The following HGD variants were observed in gnomAD, a reference collection of about 807,000 sequenced individuals.
HGD encodes homogentisate oxidase.
HGD carries 61 observed loss-of-function variants against 60.8 expected under a neutral mutation model. The ratio of observed to expected loss-of-function variants is 1.00; its 90% CI spans 0.82 to 1.24. The LOEUF (loss-of-function observed/expected upper bound fraction) is 1.24, where lower values mean the gene tolerates loss of function less well. HGD is among the 50% of genes most tolerant of loss of function. The pLI is 0.00. For missense variants in HGD, 542 were observed against 547.1 expected, an observed-to-expected ratio of 0.99 and a Z score of 0.09; for synonymous variants, 212 against 187.7, an observed-to-expected ratio of 1.13 and a Z score of -1.06.
At chr3:120,670,290 C>G in intron 4 of HGD, 137 bp downstream of exon 4, 1 of 690,832 alleles carries the variant, frequency 1.4e-6, no homozygotes, top group Non-Finnish European at 2.6e-6. Flanking sequence ...GAGCAGAAAA[C>G]AGACACACTT....
chr3:120,645,247 G>A (rs1331697691), intron 9 of HGD, among the ~76,000 whole-genome samples: 1 of 152,168 alleles, frequency 6.6e-6, no homozygotes, highest in Non-Finnish European at 1.5e-5. Context: ...AGAGTGGGAA[G>A]AGTGGGAGGT....
intron 4 of HGD, among the ~76,000 whole-genome samples, chr3:120,663,830 CAA>C (rs1707835147): frequency 6.6e-6 from 1 of 151,120 alleles, no homozygotes; most frequent in African/African-American, 2.5e-5. Context: ...TATCTACACT[CAA>C]GAAGTTTAAA....
intron 1 of HGD, among the ~76,000 whole-genome samples, chr3:120,681,134 T>C (rs763911838): frequency 9.9e-5 from 15 of 152,242 alleles, no homozygotes; most frequent in Non-Finnish European, 2.2e-4. Flanking sequence ...CACCTCCCCT[T>C]AACTGATGGA....
chr3:120,658,902 A>G (rs1941578496), intron 4 of HGD, among the ~76,000 whole-genome samples: 1 of 152,236 alleles, frequency 6.6e-6, no homozygotes, highest in Non-Finnish European at 1.5e-5. Context: ...TTTGAGCCAC[A>G]GGAGGAGCTG....
chr3:120,675,956 G>T, intron 1 of HGD, 93 bp from the exon 2 acceptor site: 1 of 873,248 alleles, frequency 1.1e-6, no homozygotes, highest in African/African-American at 1.6e-5. Flanking sequence ...ATTTCTATAT[G>T]GACCTATGTT....
At chr3:120,678,249 C>T (rs150684685) in intron 1 of HGD, among the ~76,000 whole-genome samples, 3,374 of 152,284 alleles carry the variant, frequency 0.022, 83 homozygotes, top group South Asian at 0.068. Flanking sequence ...GAACCCCATG[C>T]TCACCATCAA....
At position 120,628,497 on chromosome 3, in the gene HGD, C is replaced by T. The variant is rs146206905; in HGVS notation, c.1221G>A (p.Ala407=). 3.1e-3 allele frequency: 5,020 copies of T among 1,613,930 alleles called. 128 individuals are homozygous for T. The African/African-American group carries it at 0.054, about 17-fold the overall frequency. ...AFMFESSLSL[A]VTKWGLKASR... ...AGGCCTTGAGTCCCCACTTTGTGAC[C>T]GCCAGACTTAAAGATGATTCAAACA... The change falls in exon 14 of 14, where the codon GCG becomes GCA. Residue 407 remains alanine, a synonymous_variant. Transcript: ENST00000283871.
At chr3:120,652,158 T>C (rs1030926104) in intron 5 of HGD, among the ~76,000 whole-genome samples, 1 of 152,198 alleles carries the variant, frequency 6.6e-6, no homozygotes, top group Non-Finnish European at 1.5e-5. Context: ...TGAATGACTA[T>C]AAACCAAATC....
chr3:120,675,870 G>A lies in HGD; in HGVS notation c.16-7C>T. ...TCCCAAATCCAGAAATGTACTGTAG[G>A]TGACAAAGACACAAATGCCACCATT... On this transcript the variant is annotated splice_region_variant and splice_polypyrimidine_tract_variant and intron_variant, in intron 1 of 13. Transcript: ENST00000283871. 3 of 1,610,870 alleles carry A rather than the reference G, an allele frequency of 1.9e-6. No homozygotes were observed. The highest frequency in any genetic ancestry group is 4.5e-5 in the East Asian group (2 of 44,850).
rs144736254 is a variant in HGD, at chr3:120,668,910, G to A, written c.282+1517C>T. Reference sequence around the variant, plus strand: ...TCAGGGACAAAGGCAATACACTGGGGTTCTCAGAAGGTTAAAAAAAGAGCT... The same window carrying A: ...TCAGGGACAAAGGCAATACACTGGGATTCTCAGAAGGTTAAAAAAAGAGCT... On this transcript the variant is annotated intron_variant, in intron 4 of 13. Coordinates refer to ENST00000283871, the MANE Select transcript of HGD (RefSeq NM_000187.4). 4.7e-3 allele frequency among the ~76,000 whole-genome samples: 709 copies of A among 152,216 alleles called. 6 individuals carry two copies. The highest frequency in any genetic ancestry group is 0.016 in the African/African-American group (669 of 41,534).
intron 1 of HGD, among the ~76,000 whole-genome samples, chr3:120,677,740 C>A (rs930291624): frequency 2.0e-5 from 3 of 152,222 alleles, no homozygotes; most frequent in Non-Finnish European, 2.9e-5. Context: ...ATTTGAAAAT[C>A]CCTAATACAA....
chr3:120,630,932 G>A (rs1940575402), intron 13 of HGD, among the ~76,000 whole-genome samples: 1 of 149,496 alleles, frequency 6.7e-6, no homozygotes, highest in Non-Finnish European at 1.5e-5. Flanking sequence ...TGTTTCTCAG[G>A]AACACGACGG....
intron 13 of HGD, among the ~76,000 whole-genome samples, chr3:120,630,456 C>T (rs1940548847): frequency 6.6e-6 from 1 of 151,806 alleles, no homozygotes; most frequent in African/African-American, 2.4e-5. Context: ...AATAGAGAGC[C>T]CAGAAACAAG....
At chr3:120,659,978 C>T (rs1174783238) in intron 4 of HGD, among the ~76,000 whole-genome samples, 2 of 151,854 alleles carry the variant, frequency 1.3e-5, no homozygotes, top group Non-Finnish European at 2.9e-5. Context: ...GGATTTCTCA[C>T]GAATGGCTTA....
rs770278846 is a variant in HGD at position 120,628,488 on chromosome 3, C to T, written c.1230G>A (p.Lys410=). 4.3e-6 allele frequency: 7 copies of T among 1,613,952 alleles called. No homozygotes were observed. Among genetic ancestry groups the T allele is most frequent in the African/African-American group, 1.3e-5 (1 of 74,902 alleles). ...FESSLSLAVT[K]WGLKASRCLD... ...AACACCTGGAGGCCTTGAGTCCCCA[C>T]TTTGTGACCGCCAGACTTAAAGATG... The change falls in exon 14 of 14, where the codon AAG becomes AAA. Residue 410 remains lysine (K), a synonymous_variant. Coordinates refer to ENST00000283871, the MANE Select transcript of HGD (RefSeq NM_000187.4).
In HGD at chr3:120,639,007, A is replaced by T. The variant is rs538155328; in HGVS notation, c.880-426T>A. ...GCTCTCTTGATTGCCTCCATGTAAGACATGCTTTTGCTCCTCCTTCGCCTT... is the reference window on the plus strand; with the variant it reads ...GCTCTCTTGATTGCCTCCATGTAAGTCATGCTTTTGCTCCTCCTTCGCCTT... On this transcript the variant is annotated intron_variant, in intron 11 of 13. Coordinates refer to ENST00000283871, the MANE Select transcript of HGD (RefSeq NM_000187.4). 1.6e-4 allele frequency among the ~76,000 whole-genome samples: 24 copies of T among 152,290 alleles called. 1 individual carries two copies. In the South Asian group the frequency reaches 3.7e-3, roughly 24 times the overall value.
rs764006491 is a variant in HGD at position 120,647,066 on chromosome 3, A to T, written c.470-14T>A. On this transcript the variant is annotated splice_polypyrimidine_tract_variant and intron_variant, in intron 7 of 13. Coordinates refer to ENST00000283871, the MANE Select transcript of HGD (RefSeq NM_000187.4). ...CTTTCTGCGGAACTGACAAAAAAAG[A>T]CAGGGCAGTGGTGAGCAATTCTTTT... 3 of 1,607,258 alleles carry T rather than the reference A, an allele frequency of 1.9e-6. No homozygotes were observed. Among genetic ancestry groups the T allele is most frequent in the Non-Finnish European group, 2.6e-6 (3 of 1,173,900 alleles).
intron 12 of HGD, 92 bp from the exon 13 acceptor site, chr3:120,633,420 G>C (rs185160699): frequency 1.1e-5 from 18 of 1,606,822 alleles, no homozygotes; most frequent in African/African-American, 5.3e-5. Flanking sequence ...AGAATTCCAA[G>C]AACACAGGAG....
At chr3:120,639,781 T>C (rs1486305478) in intron 11 of HGD, among the ~76,000 whole-genome samples, 1 of 152,222 alleles carries the variant, frequency 6.6e-6, no homozygotes, top group East Asian at 1.9e-4. Flanking sequence ...TTGTTTGACT[T>C]TCAGGTCTAA....
Sources: allele counts gnomAD v4.1 joint callset (sites outside exome capture counted in the v4.1 genomes callset), GRCh38; gene constraint gnomAD v4.1.1; transcripts MANE v1.5; gene names NCBI Gene and HGNC (gene_info 2026-07-23, HGNC 2026-07-21).